Variants in MRPL20 observed in about 807,000 individuals in gnomAD.
The protein encoded by MRPL20 is large ribosomal subunit protein bL20m.
A neutral mutation model predicts 20.0 loss-of-function variants in MRPL20; 21 were observed. The observed-to-expected ratio is 1.05, with a 90% CI of 0.74 to 1.51. The LOEUF (loss-of-function observed/expected upper bound fraction) is 1.51. MRPL20 is among the 40% of genes most tolerant of loss of function. The pLI is 0.00. For synonymous variants in MRPL20, 104 were observed against 73.0 expected, an observed-to-expected ratio of 1.43 and a Z score of -2.17; for missense variants, 252 against 185.6, an observed-to-expected ratio of 1.36 and a Z score of -2.08.
rs755013003 is a variant in MRPL20, at chr1:1,405,728, T to C, written c.276+81A>G. ...CCTCAGCCTCCTGATTAGCTGGGACTACAGGAAGCACCACCACGCCCCGCA... is the reference window on the plus strand; with the variant it reads ...CCTCAGCCTCCTGATTAGCTGGGACCACAGGAAGCACCACCACGCCCCGCA... On this transcript the variant is annotated intron_variant, in intron 3 of 3. Transcript: ENST00000344843. 2.5e-6 allele frequency: 4 copies of C among 1,611,872 alleles called. No homozygotes were observed. In the African/African-American group the frequency reaches 5.3e-5, roughly 22 times the overall value.
chr1:1,403,464 G>A (rs968493932), intron 3 of MRPL20, among the ~76,000 whole-genome samples: 1 of 151,794 alleles, frequency 6.6e-6, no homozygotes, highest in Non-Finnish European at 1.5e-5. Context: ...GGATGGTCTC[G>A]ATCTCCTGAC....
intron 2 of MRPL20, 79 bp from the exon 3 acceptor site, chr1:1,405,965 G>A (rs990724023): frequency 1.4e-5 from 22 of 1,532,926 alleles, no homozygotes; most frequent in African/African-American, 1.4e-4. Flanking sequence ...TTGATCTAAA[G>A]AATATTTTTC....
chr1:1,405,011 AT>A (rs1557750782), intron 3 of MRPL20: 1 of 152,126 alleles, frequency 6.6e-6, no homozygotes, highest in African/African-American at 2.4e-5. Flanking sequence ...ACTTTTAGAG[AT>A]GGAGTCTTGC....
chr1:1,406,012 G>GC, intron 2 of MRPL20, 126 bp from the exon 3 acceptor site: 4 of 1,351,542 alleles, frequency 3.0e-6, no homozygotes, highest in Non-Finnish European at 3.0e-6. Context: ...CTATGATGGT[G>GC]CCATCACTCT....
Position 1,406,910 on chromosome 1 carries a change from G to A in MRPL20, c.197C>T (p.Thr66Ile), listed in dbSNP as rs1378923409. 4 of 1,612,018 alleles carry A rather than the reference G, an allele frequency of 2.5e-6. No individual in the cohort carries two copies. Among genetic ancestry groups the A allele is most frequent in the Non-Finnish European group, 3.4e-6 (4 of 1,178,306 alleles). The part of the protein sequence containing the change: ...ARYLKKKNMR[T>I]LWINRITAAS... ...CGGGTGTCCCGGGTCCACGCTTACG[G>A]TCCTCATGTTCTTTTTCTTCAGGTA... is the stretch of plus-strand genomic sequence containing the variant. Residue 66 changes from threonine to isoleucine, a missense_variant and splice_region_variant, in exon 2 of 4, where the codon ACC becomes ATC. By Grantham distance (89) the Thr-to-Ile change is moderately conservative. Transcript: ENST00000344843.
At position 1,406,961 on chromosome 1, in the gene MRPL20, G is replaced by T; in HGVS notation, c.146C>A (p.Ala49Asp). 1 of 1,613,850 alleles carries T rather than the reference G, an allele frequency of 6.2e-7. No homozygotes were observed. Among genetic ancestry groups the T allele is most frequent in the Non-Finnish European group, 8.5e-7 (1 of 1,179,782 alleles). ...TCGGGCTTTGGTGCATTTCACAAAG[G>T]CTCGAATCACGGTTCTGACCGCCAA... ...YRLAVRTVIR[A>D]FVKCTKARYL... is the part of the protein sequence containing the mutation. Residue 49 changes from alanine to aspartate, a missense_variant, in exon 2 of 4, where the codon GCC becomes GAC. By Grantham distance (126) the Ala-to-Asp change is moderately radical. Coordinates refer to ENST00000344843, the MANE Select transcript of MRPL20 (RefSeq NM_017971.4).
intron 2 of MRPL20, chr1:1,406,449 G>T: frequency 4.9e-6 from 1 of 206,116 alleles, no homozygotes; most frequent in Non-Finnish European, 1.0e-5. Flanking sequence ...GGACAGAGTG[G>T]AGGCGCCAGC....
At chr1:1,405,913 TA>T in intron 2 of MRPL20, 27 bp from the exon 3 acceptor site, 1 of 1,595,616 alleles carries the variant, frequency 6.3e-7, no homozygotes, top group Non-Finnish European at 8.6e-7. Flanking sequence ...TGAAGATACT[TA>T]AAAATGACTT....
At chr1:1,406,880 G>A in intron 2 of MRPL20, 29 bp downstream of exon 2, 1 of 1,587,800 alleles carries the variant, frequency 6.3e-7, no homozygotes, top group Non-Finnish European at 8.6e-7. Flanking sequence ...GAGTGCGCTG[G>A]CCGGCGGGTG....
chr1:1,402,315 G>T lies in MRPL20; in HGVS notation c.277-59C>A, dbSNP rs377106107. 3 of 1,535,544 alleles carry T rather than the reference G, an allele frequency of 2.0e-6. No individual in the cohort carries two copies. In the South Asian group the frequency reaches 3.8e-5, roughly 19 times the overall value. ...TGTGAGACACACACTCCGGCTCCGC[G>T]TGGTTGCGGCGCTGGCTCAGGAAGA... On this transcript the variant is annotated intron_variant, in intron 3 of 3. Coordinates refer to ENST00000344843, the MANE Select transcript of MRPL20 (RefSeq NM_017971.4).
In MRPL20 at chr1:1,402,022, T is replaced by C; in HGVS notation, c.*61A>G. ...TTATTGGGTTGTAGATAAACAAAAG[T>C]ATAAATCAAACAAACTGCAAATTAC... On this transcript the variant is annotated 3_prime_UTR_variant, in exon 4 of 4. Transcript: ENST00000344843. 6.5e-7 allele frequency: 1 copy of C among 1,549,386 alleles called. No individual in the cohort carries two copies.
chr1:1,402,416 A>G, intron 3 of MRPL20, 160 bp from the exon 4 acceptor site: 1 of 1,386,796 alleles, frequency 7.2e-7, no homozygotes, highest in Non-Finnish European at 9.3e-7. Context: ...GAGGACTTCC[A>G]GGCAGGATGC....
intron 2 of MRPL20, chr1:1,406,600 G>C (rs913241193): frequency 2.5e-5 from 10 of 407,240 alleles, no homozygotes; most frequent in African/African-American, 2.0e-4. Context: ...GGGAAGGGAA[G>C]CCACCGGAGG....
chr1:1,404,548 TGCAGTG>T lies in MRPL20; in HGVS notation c.276+1255_276+1260del, dbSNP rs1230876577. On this transcript the variant is annotated intron_variant, in intron 3 of 3. Transcript: ENST00000344843. ...CAGAGTCTCACTCTGTTGCCCAGGC[TGCAGTG>T]CAGTGGCGTGAACTCGGCTCACTGC... Among the ~76,000 whole-genome samples, 4 of 151,798 alleles carry T rather than the reference TGCAGTG, an allele frequency of 2.6e-5. No homozygotes were observed. The South Asian group carries it at 6.2e-4, about 24-fold the overall frequency.
intron 3 of MRPL20, among the ~76,000 whole-genome samples, chr1:1,404,054 C>G (rs955204960): frequency 4.6e-5 from 7 of 151,740 alleles, no homozygotes; most frequent in East Asian, 3.9e-4. Context: ...GCCCAGGCTG[C>G]TGTCGAACTC....
chr1:1,406,849 G>A, intron 2 of MRPL20, 60 bp downstream of exon 2: 2 of 1,455,806 alleles, frequency 1.4e-6, no homozygotes, highest in Non-Finnish European at 1.9e-6. Context: ...CTGGGTCGCG[G>A]CGCAGAAACG....
rs539449888 is a variant in MRPL20, at chr1:1,406,840, T to C, written c.198+69A>G. ...GGTGGCCGGGCGGCTGCACACTAGC[T>C]GGGTCGCGGCGCAGAAACGCAGGGG... is the stretch of plus-strand genomic sequence containing the variant. On this transcript the variant is annotated intron_variant, in intron 2 of 3. Transcript: ENST00000344843. 8.6e-5 allele frequency: 118 copies of C among 1,375,306 alleles called. 1 individual carries two copies. In the East Asian group the frequency reaches 2.6e-3, roughly 31 times the overall value. The allele number at this position is 1,375,306 out of a possible 1,614,324, so 85.2% of individuals were successfully genotyped here.
At chr1:1,403,778 A>G (rs902822800) in intron 3 of MRPL20, among the ~76,000 whole-genome samples, 1 of 152,176 alleles carries the variant, frequency 6.6e-6, no homozygotes, top group African/African-American at 2.4e-5. Context: ...GCTCCAAAAC[A>G]TTCCCCTTCC....
chr1:1,403,138 A>AAAAAAAAG (rs1491341014), intron 3 of MRPL20, among the ~76,000 whole-genome samples: 2 of 151,468 alleles, frequency 1.3e-5, no homozygotes, highest in African/African-American at 2.4e-5. Flanking sequence ...AAAAAAAAAA[A>AAAAAAAAG]GGAACAAAAA....
Sources: allele counts gnomAD v4.1 joint callset (sites outside exome capture counted in the v4.1 genomes callset), GRCh38; gene constraint gnomAD v4.1.1; transcripts MANE v1.5; gene names NCBI Gene and HGNC (gene_info 2026-07-23, HGNC 2026-07-21).